Variants in PRDM5 observed in about 807,000 individuals in gnomAD.
The protein encoded by PRDM5 is PR/SET domain 5, also known as PR domain zinc finger protein 5.
In PRDM5, 56 loss-of-function variants were observed where a neutral mutation model predicts 81.2. The observed-to-expected ratio is 0.69, with a 90% CI of 0.56 to 0.86. The LOEUF is 0.86. PRDM5 is among the 40% of genes least tolerant of loss of function. PRDM5 has a pLI of 0.00. For synonymous variants in PRDM5, 267 were observed against 256.4 expected, an observed-to-expected ratio of 1.04 and a Z score of -0.39; for missense variants, 697 against 770.1, an observed-to-expected ratio of 0.91 and a Z score of 1.12.
In PRDM5 at chr4:120,893,332, C is replaced by A. The variant is rs80104366; in HGVS notation, c.177+14142G>T. Among the ~76,000 whole-genome samples, 1,118 of 152,326 alleles carry A rather than the reference C, an allele frequency of 7.3e-3. 14 individuals carry two copies. The highest frequency in any genetic ancestry group is 0.026 in the African/African-American group (1,073 of 41,564). ...CCTCTCTACTCTCTGTGTCTCCCTG[C>A]TGCCTTGATGGATCCCCACATGGCT... On this transcript the variant is annotated intron_variant, in intron 2 of 15. Coordinates refer to ENST00000264808, the MANE Select transcript of PRDM5 (RefSeq NM_018699.4).
rs114348661 is a variant in PRDM5 at position 120,847,052 on chromosome 4, T to C, written c.300+6366A>G. Among the ~76,000 whole-genome samples the C allele has an allele frequency of 2.9e-3, 448 of 152,212 alleles. 4 individuals are homozygous for C. The highest frequency in any genetic ancestry group is 0.01 in the African/African-American group (424 of 41,530). ...GGGTTCTGCATTCCTTCTGAGTCTG[T>C]ATCAAGTGTTTGCCTTTTCCATTTA... On this transcript the variant is annotated intron_variant, in intron 3 of 15. Transcript: ENST00000264808.
At chr4:120,799,446 A>T (rs1228329048) in intron 9 of PRDM5, among the ~76,000 whole-genome samples, 1 of 152,184 alleles carries the variant, frequency 6.6e-6, no homozygotes, top group East Asian at 1.9e-4. Context: ...GTGATTCTGA[A>T]GATCTTCAAT....
chr4:120,903,057 C>T (rs1765391785), intron 2 of PRDM5, among the ~76,000 whole-genome samples: 1 of 152,218 alleles, frequency 6.6e-6, no homozygotes, highest in South Asian at 2.1e-4. Context: ...CAGGTATAAA[C>T]TGAGAAGGAG....
chr4:120,858,627 T>C (rs1454535872), intron 2 of PRDM5, among the ~76,000 whole-genome samples: 1 of 152,150 alleles, frequency 6.6e-6, no homozygotes. Flanking sequence ...TATCTACTTA[T>C]AACTCCCTTC....
rs537166963 is a variant in PRDM5 at position 120,699,348 on chromosome 4, A to G, written c.1729-4073T>C. The stretch of plus-strand genomic sequence containing the variant: ...GTTATCTTGTGTTTGTATCATTATT[A>G]TTTTCAATCTGCATTTCTGTACAGG... On this transcript the variant is annotated intron_variant, in intron 15 of 15. Coordinates refer to ENST00000264808, the MANE Select transcript of PRDM5 (RefSeq NM_018699.4). Among the ~76,000 whole-genome samples the G allele has an allele frequency of 5.9e-5, 9 of 151,504 alleles. No homozygotes were observed. The South Asian group carries it at 1.9e-3, about 32-fold the overall frequency.
intron 14 of PRDM5, among the ~76,000 whole-genome samples, chr4:120,743,325 A>G (rs1452661460): frequency 6.6e-6 from 1 of 151,990 alleles, no homozygotes; most frequent in Non-Finnish European, 1.5e-5. Context: ...CTGCAAAATC[A>G]TGCCAAAATG....
intron 13 of PRDM5, among the ~76,000 whole-genome samples, 164 bp from the exon 14 acceptor site, chr4:120,754,802 G>T (rs544981100): frequency 1.3e-5 from 2 of 152,336 alleles, no homozygotes; most frequent in African/African-American, 4.8e-5. Context: ...GGGTCGTGCA[G>T]GACAGCAGTG....
downstream of PRDM5, among the ~76,000 whole-genome samples, chr4:120,689,550 A>G (rs1339166532): frequency 1.3e-5 from 2 of 152,134 alleles, no homozygotes; most frequent in South Asian, 2.1e-4. Flanking sequence ...TAATAAAACT[A>G]GACAAGTCAA....
intron 13 of PRDM5, among the ~76,000 whole-genome samples, chr4:120,773,750 A>C (rs918486806): frequency 4.6e-5 from 7 of 152,288 alleles, no homozygotes; most frequent in Admixed American, 2.0e-4. Context: ...CAACTATTAA[A>C]ATACTTTCCC....
intron 2 of PRDM5, among the ~76,000 whole-genome samples, chr4:120,871,709 T>A (rs1016820821): frequency 2.0e-5 from 3 of 151,688 alleles, no homozygotes; most frequent in Non-Finnish European, 4.4e-5. Context: ...GCTTTTTGAA[T>A]GCTAAGTATC....
chr4:120,825,969 G>A (rs1303638764), intron 3 of PRDM5, among the ~76,000 whole-genome samples: 4 of 151,998 alleles, frequency 2.6e-5, no homozygotes, highest in Non-Finnish European at 1.5e-5. Context: ...AGGATAGTTG[G>A]ATACCTAACT....
intron 3 of PRDM5, among the ~76,000 whole-genome samples, chr4:120,823,153 T>C (rs1432706872): frequency 1.3e-5 from 2 of 152,310 alleles, no homozygotes; most frequent in South Asian, 2.1e-4. Context: ...TCAATATCCA[T>C]GAAAGTTAAT....
intron 14 of PRDM5, among the ~76,000 whole-genome samples, chr4:120,712,882 G>A (rs139682946): frequency 6.6e-6 from 1 of 152,246 alleles, no homozygotes; most frequent in African/African-American, 2.4e-5. Flanking sequence ...GTTATTCCCA[G>A]TTGTTCACTC....
At chr4:120,704,962 G>A (rs1166419141) in intron 15 of PRDM5, among the ~76,000 whole-genome samples, 4 of 152,164 alleles carry the variant, frequency 2.6e-5, no homozygotes, top group African/African-American at 9.7e-5. Context: ...AAATAATTTA[G>A]AGTTGAAAGC....
intron 14 of PRDM5, among the ~76,000 whole-genome samples, chr4:120,738,512 A>G (rs186228840): frequency 3.9e-5 from 6 of 152,348 alleles, no homozygotes; most frequent in Non-Finnish European, 7.4e-5. Flanking sequence ...TGTAAGTATA[A>G]TGAGAGCCTT....
intron 3 of PRDM5, among the ~76,000 whole-genome samples, chr4:120,839,708 G>A (rs1260712890): frequency 6.6e-6 from 1 of 152,186 alleles, no homozygotes; most frequent in East Asian, 1.9e-4. Flanking sequence ...GCCTCACCGG[G>A]TACCTGCCCC....
chr4:120,891,736 T>C (rs931095765), intron 2 of PRDM5, among the ~76,000 whole-genome samples: 11 of 151,968 alleles, frequency 7.2e-5, no homozygotes, highest in African/African-American at 1.9e-4. Flanking sequence ...TTCAAGTAAT[T>C]CTCCTGCTTC....
At chr4:120,823,137 A>G (rs1160241515) in intron 3 of PRDM5, among the ~76,000 whole-genome samples, 1 of 152,198 alleles carries the variant, frequency 6.6e-6, no homozygotes, top group East Asian at 1.9e-4. Flanking sequence ...ATTAGTGTTT[A>G]TCTGATCAAT....
chr4:120,765,524 C>A (rs1490152769), intron 13 of PRDM5, among the ~76,000 whole-genome samples: 1 of 152,216 alleles, frequency 6.6e-6, no homozygotes, highest in Non-Finnish European at 1.5e-5. Flanking sequence ...TCTACTATTT[C>A]AGCTGACCCA....
Sources: gnomAD v4.1 joint callset for allele counts (sites outside exome capture counted in the v4.1 genomes callset) on GRCh38, gnomAD v4.1.1 for gene constraint, MANE v1.5 for transcripts, NCBI Gene and HGNC (gene_info 2026-07-23, HGNC 2026-07-21) for gene names.